Variants in NEBL observed in about 807,000 individuals in gnomAD.
NEBL encodes the protein LIM and SH3 protein 2.
A neutral mutation model predicts 140.2 loss-of-function variants in NEBL; 122 were observed. That is an observed-to-expected ratio of 0.87 (90% CI 0.75 to 1.01). NEBL has a LOEUF of 1.01. Ranked by LOEUF, NEBL falls within the 50% of genes least tolerant of loss-of-function variation. The probability of loss-of-function intolerance (pLI) is 0.00; values close to 1 mark genes in which losing one functional copy is unlikely to be tolerated. For synonymous variants in NEBL, 436 were observed against 398.9 expected, an observed-to-expected ratio of 1.09 and a Z score of -1.11; for missense variants, 1,365 against 1,231.3, an observed-to-expected ratio of 1.11 and a Z score of -1.62.
chr10:21,132,829 T>C (rs1407295127), intron 2 of NEBL, among the ~76,000 whole-genome samples: 1 of 152,190 alleles, frequency 6.6e-6, no homozygotes, highest in African/African-American at 2.4e-5. Flanking sequence ...TTGGGTTACT[T>C]GTCTTTTAAT....
chr10:21,214,805 T>C (rs1313747164), intron 3 of NEBL, among the ~76,000 whole-genome samples: 1 of 152,182 alleles, frequency 6.6e-6, no homozygotes, highest in Non-Finnish European at 1.5e-5. Flanking sequence ...GAATTAATCA[T>C]TGTCAGTATT....
intron 7 of NEBL, among the ~76,000 whole-genome samples, chr10:20,864,230 A>G: frequency 6.6e-6 from 1 of 152,222 alleles, no homozygotes; most frequent in East Asian, 1.9e-4. Context: ...TAGAATTTTT[A>G]AAGTCAATGA....
At chr10:20,909,557 G>A (rs1249660153) in intron 4 of NEBL, among the ~76,000 whole-genome samples, 1 of 151,994 alleles carries the variant, frequency 6.6e-6, no homozygotes, top group Admixed American at 6.6e-5. Flanking sequence ...CACCGAAAAG[G>A]ATTAAAACTT....
chr10:20,820,034 T>C (rs191566425), intron 19 of NEBL, among the ~76,000 whole-genome samples: 10 of 152,344 alleles, frequency 6.6e-5, no homozygotes, highest in African/African-American at 1.9e-4. Context: ...CATTTCTTCA[T>C]AGCACTAAAG....
At chr10:20,814,994 G>A (rs1224110935) in intron 22 of NEBL, among the ~76,000 whole-genome samples, 9 of 152,134 alleles carry the variant, frequency 5.9e-5, no homozygotes, top group Admixed American at 5.9e-4. Context: ...CTTCACAACT[G>A]CCCATCAGAA....
chr10:20,876,491 T>C (rs920554019), intron 5 of NEBL, among the ~76,000 whole-genome samples: 3 of 152,202 alleles, frequency 2.0e-5, no homozygotes, highest in Non-Finnish European at 2.9e-5. Context: ...ATTTTACTGA[T>C]TTATCTTTAA....
intron 4 of NEBL, among the ~76,000 whole-genome samples, chr10:20,932,290 G>T (rs1193243585): frequency 6.6e-6 from 1 of 152,136 alleles, no homozygotes; most frequent in African/African-American, 2.4e-5. Flanking sequence ...GAAGCTGGAA[G>T]CCATCATTCT....
intron 13 of NEBL, among the ~76,000 whole-genome samples, chr10:20,839,792 A>C (rs2130963494): frequency 6.6e-6 from 1 of 152,260 alleles, no homozygotes; most frequent in South Asian, 2.1e-4. Flanking sequence ...GGAGATTCAA[A>C]CCTAAGACTT....
At chr10:21,022,331 A>G (rs1403792356) in intron 2 of NEBL, among the ~76,000 whole-genome samples, 2 of 152,166 alleles carry the variant, frequency 1.3e-5, no homozygotes, top group African/African-American at 4.8e-5. Context: ...TCTTTTCAGC[A>G]TCCCTGTCCC....
chr10:21,277,185 G>T (rs760696880), intron 1 of NEBL, among the ~76,000 whole-genome samples: 7 of 150,600 alleles, frequency 4.6e-5, no homozygotes, highest in Non-Finnish European at 8.9e-5. Context: ...ATAGTCTGGA[G>T]CCAATGCACC....
intron 2 of NEBL, among the ~76,000 whole-genome samples, chr10:21,158,510 A>G (rs143599291): frequency 8.9e-4 from 136 of 152,316 alleles, no homozygotes; most frequent in Non-Finnish European, 1.4e-3. Context: ...TTTGTAGGTG[A>G]GGAAACCGAG....
At chr10:21,177,510 A>T (rs1413554144), upstream of NEBL, among the ~76,000 whole-genome samples, 3 of 151,904 alleles carry the variant, frequency 2.0e-5, no homozygotes, top group African/African-American at 7.3e-5. Context: ...TACATAAAAG[A>T]TTCAGTATAC....
intron 3 of NEBL, among the ~76,000 whole-genome samples, chr10:20,965,110 C>T (rs1836241281): frequency 6.6e-6 from 1 of 152,198 alleles, no homozygotes; most frequent in Non-Finnish European, 1.5e-5. Flanking sequence ...ATGGACAATC[C>T]TTTGCTCATT....
chr10:20,808,791 T>G (rs953143567), intron 25 of NEBL, 132 bp from the exon 26 acceptor site: 103 of 905,198 alleles, frequency 1.1e-4, no homozygotes, highest in Non-Finnish European at 1.6e-4. Flanking sequence ...ATCTCAGCGC[T>G]AGGCACCTAT....
intron 2 of NEBL, among the ~76,000 whole-genome samples, chr10:21,166,457 T>C (rs1840784253): frequency 1.3e-5 from 2 of 152,126 alleles, no homozygotes; most frequent in African/African-American, 4.8e-5. Flanking sequence ...TATAAACCTT[T>C]TAATAGGTGT....
chr10:21,139,382 G>C (rs1464619807), intron 2 of NEBL, among the ~76,000 whole-genome samples: 6 of 152,106 alleles, frequency 3.9e-5, no homozygotes, highest in African/African-American at 9.7e-5. Context: ...AATCAAGCAG[G>C]AGGGGAAATC....
chr10:20,836,727 A>G (rs897339598), intron 13 of NEBL, among the ~76,000 whole-genome samples: 7 of 151,946 alleles, frequency 4.6e-5, no homozygotes, highest in Admixed American at 1.3e-4. Context: ...GCACTCTAGC[A>G]GGGACTCTGG....
intron 3 of NEBL, among the ~76,000 whole-genome samples, chr10:21,192,905 A>C (rs1054321811): frequency 1.3e-5 from 2 of 152,132 alleles, no homozygotes. Context: ...AACATAAAAA[A>C]ATATACAAAC....
chr10:21,263,836 G>A (rs1445565111), intron 1 of NEBL, among the ~76,000 whole-genome samples: 1 of 152,118 alleles, frequency 6.6e-6, no homozygotes, highest in African/African-American at 2.4e-5. Context: ...GTGGTGGTGG[G>A]TGCCTATAAT....
Sources: allele counts gnomAD v4.1 joint callset (sites outside exome capture counted in the v4.1 genomes callset), GRCh38; gene constraint gnomAD v4.1.1; transcripts MANE v1.5; gene names NCBI Gene and HGNC (gene_info 2026-07-23, HGNC 2026-07-21).